Variants in RNLS observed in about 807,000 individuals in gnomAD.
The protein encoded by RNLS is renalase, FAD dependent amine oxidase, also known as renalase.
In RNLS, 39 loss-of-function variants were observed where a neutral mutation model predicts 39.8. That is an observed-to-expected ratio of 0.98 (90% CI 0.76 to 1.28). RNLS has a LOEUF of 1.28. Among genes scored for constraint, RNLS ranks in the 50% most tolerant of loss-of-function variants. RNLS has a pLI of 0.00. For missense variants in RNLS, 410 were observed against 413.3 expected, an observed-to-expected ratio of 0.99 and a Z score of 0.07; for synonymous variants, 147 against 150.7, an observed-to-expected ratio of 0.98 and a Z score of 0.18.
Position 88,508,845 on chromosome 10 carries a change from A to G in RNLS, c.526+64058T>C, listed in dbSNP as rs530567375. Among the ~76,000 whole-genome samples the G allele has an allele frequency of 5.9e-5, 9 of 152,286 alleles. No homozygotes were observed. In the South Asian group the frequency reaches 1.7e-3, roughly 28 times the overall value. Reference sequence around the variant, plus strand: ...AAGAAACATTAGCACCAATAATGTCAAATATTCTCATCGTTAGCTTAATGC... The same window carrying G: ...AAGAAACATTAGCACCAATAATGTCGAATATTCTCATCGTTAGCTTAATGC... On this transcript the variant is annotated intron_variant, in intron 4 of 6. Coordinates refer to ENST00000331772, the MANE Select transcript of RNLS (RefSeq NM_001031709.3).
intron 5 of RNLS, among the ~76,000 whole-genome samples, chr10:88,357,469 C>T (rs1241610169): frequency 1.3e-5 from 2 of 152,092 alleles, no homozygotes; most frequent in Non-Finnish European, 2.9e-5. Flanking sequence ...CTATACCCAG[C>T]CTGGGAATCA....
intron 4 of RNLS, among the ~76,000 whole-genome samples, chr10:88,421,099 C>A (rs929212360): frequency 3.3e-5 from 5 of 152,202 alleles, no homozygotes; most frequent in African/African-American, 9.6e-5. Flanking sequence ...GCTGCAGGAA[C>A]AAGCCTATCA....
chr10:88,478,021 T>A (rs1843921812), intron 4 of RNLS, among the ~76,000 whole-genome samples: 1 of 152,210 alleles, frequency 6.6e-6, no homozygotes, highest in African/African-American at 2.4e-5. Flanking sequence ...CCTGGATAGA[T>A]TTTTATCTGG....
At chr10:88,368,229 C>G (rs561073192) in intron 4 of RNLS, among the ~76,000 whole-genome samples, 3 of 151,500 alleles carry the variant, frequency 2.0e-5, no homozygotes, top group Non-Finnish European at 4.4e-5. Flanking sequence ...CCAAATATAT[C>G]GAATACTACT....
chr10:88,467,505 C>A (rs761720646), intron 4 of RNLS, among the ~76,000 whole-genome samples: 13 of 152,004 alleles, frequency 8.6e-5, no homozygotes, highest in South Asian at 2.1e-4. Flanking sequence ...GTTTACTCTT[C>A]CTAGGAGGTC....
At position 88,309,295 on chromosome 10, in the gene RNLS, G is replaced by C. The variant is rs1845176607; in HGVS notation, c.876+5171C>G. The C allele has an allele frequency of 5.0e-6, 4 of 806,884 alleles. No homozygotes were observed. The Admixed American group carries it at 1.3e-4, about 26-fold the overall frequency. The allele number at this position is 806,884 out of a possible 1,614,324, so 50.0% of individuals were successfully genotyped here. ...CTTAAAAGTTAAAAAATAAGGAAAA[G>C]AAAAAGAAAATGCATGGGAAAAAGC... On this transcript the variant is annotated intron_variant, in intron 6 of 6. Transcript: ENST00000331772.
At position 88,453,933 on chromosome 10, in the gene RNLS, T is replaced by C. The variant is rs544211517; in HGVS notation, c.527-91208A>G. Among the ~76,000 whole-genome samples the C allele has an allele frequency of 4.5e-4, 68 of 152,302 alleles. 1 individual carries two copies. Among genetic ancestry groups the C allele is most frequent in the African/African-American group, 1.4e-3 (60 of 41,554 alleles). On this transcript the variant is annotated intron_variant, in intron 4 of 6. Coordinates refer to ENST00000331772, the MANE Select transcript of RNLS (RefSeq NM_001031709.3). The stretch of plus-strand genomic sequence containing the variant: ...AGTAACTTGTTGAATATTTGTGGAA[T>C]TAAAAACAAACAAGAACATATTGAT...
chr10:88,191,807 G>T, the RNLS span, among the ~76,000 whole-genome samples: 1 of 152,190 alleles, frequency 6.6e-6, no homozygotes, highest in South Asian at 2.1e-4. Flanking sequence ...GCCTTTGGGT[G>T]AAACACTATC....
At chr10:88,388,448 C>A (rs545268315) in intron 4 of RNLS, among the ~76,000 whole-genome samples, 50 of 152,200 alleles carry the variant, frequency 3.3e-4, no homozygotes, top group Non-Finnish European at 5.4e-4. Flanking sequence ...TTCCCAGGAT[C>A]TGGCCCCAGT....
intron 4 of RNLS, among the ~76,000 whole-genome samples, chr10:88,408,664 A>T (rs1471201696): frequency 1.3e-5 from 2 of 152,070 alleles, no homozygotes; most frequent in African/African-American, 4.8e-5. Context: ...ATATAATGCA[A>T]TTTATTTATT....
intron 5 of RNLS, among the ~76,000 whole-genome samples, chr10:88,354,283 G>A (rs1172973669): frequency 5.9e-5 from 9 of 152,118 alleles, no homozygotes; most frequent in Non-Finnish European, 8.8e-5. Context: ...TATTTTGCTC[G>A]TTAGTTGATG....
the RNLS span, among the ~76,000 whole-genome samples, chr10:88,226,823 A>G: frequency 6.7e-6 from 1 of 148,468 alleles, no homozygotes; most frequent in Non-Finnish European, 1.5e-5. Flanking sequence ...GGGGAAAAAT[A>G]CCATACTGTT....
chr10:88,327,062 G>C lies in RNLS; in HGVS notation c.701-12421C>G, dbSNP rs188449109. Among the ~76,000 whole-genome samples, 434 of 152,280 alleles carry C rather than the reference G, an allele frequency of 2.9e-3. 2 individuals carry two copies. Among genetic ancestry groups the C allele is most frequent in the Non-Finnish European group, 5.6e-3 (379 of 68,028 alleles). On this transcript the variant is annotated intron_variant, in intron 5 of 6. Coordinates refer to ENST00000331772, the MANE Select transcript of RNLS (RefSeq NM_001031709.3). ...ATGCCTATACCCCCATTGTATCTAG[G>C]AAGTAACTAACCTGCTTTTAATTTT...
intron 4 of RNLS, among the ~76,000 whole-genome samples, chr10:88,380,959 T>A (rs950396881): frequency 1.3e-5 from 2 of 152,336 alleles, no homozygotes; most frequent in Admixed American, 6.5e-5. Flanking sequence ...AATAAATATA[T>A]GTCTATTTCT....
intron 4 of RNLS, among the ~76,000 whole-genome samples, chr10:88,572,059 C>T (rs11202776): frequency 0.1 from 15,402 of 152,092 alleles, 981 homozygotes; most frequent in Middle Eastern, 0.18. Flanking sequence ...TCAGGAATCA[C>T]GAAGAAAATC....
At chr10:88,215,944 C>T in the RNLS span, among the ~76,000 whole-genome samples, 1 of 152,024 alleles carries the variant, frequency 6.6e-6, no homozygotes, top group Non-Finnish European at 1.5e-5. Context: ...AGGTGATCTA[C>T]CCATCTTGGC....
At chr10:88,193,879 C>T in the RNLS span, among the ~76,000 whole-genome samples, 1 of 152,180 alleles carries the variant, frequency 6.6e-6, no homozygotes, top group Non-Finnish European at 1.5e-5. Flanking sequence ...CACTGACCCA[C>T]TACAATGTGG....
At chr10:88,216,533 T>C in the RNLS span, among the ~76,000 whole-genome samples, 1 of 152,166 alleles carries the variant, frequency 6.6e-6, no homozygotes, top group Non-Finnish European at 1.5e-5. Flanking sequence ...TCTTTTCCAA[T>C]AGGTCTAGCA....
chr10:88,490,859 C>T (rs1844835019), intron 4 of RNLS, among the ~76,000 whole-genome samples: 1 of 152,056 alleles, frequency 6.6e-6, no homozygotes, highest in Non-Finnish European at 1.5e-5. Flanking sequence ...ATTTCAAAAT[C>T]CTATCAAAAA....
Sources: gnomAD v4.1 joint callset for allele counts (sites outside exome capture counted in the v4.1 genomes callset) on GRCh38, gnomAD v4.1.1 for gene constraint, MANE v1.5 for transcripts, NCBI Gene and HGNC (gene_info 2026-07-23, HGNC 2026-07-21) for gene names.